The following CYYR1 variants were observed in gnomAD, a reference collection of about 807,000 sequenced individuals.
The protein encoded by CYYR1 is cysteine and tyrosine-rich protein 1.
In CYYR1, 14 loss-of-function variants were observed where a neutral mutation model predicts 15.2. That is an observed-to-expected ratio of 0.92 (90% CI 0.61 to 1.44). The LOEUF is 1.44. CYYR1 is among the 40% of genes most tolerant of loss of function. The probability of loss-of-function intolerance (pLI) is 0.00; values close to 1 mark genes in which losing one functional copy is unlikely to be tolerated. For missense variants in CYYR1, 228 were observed against 209.5 expected (o/e 1.09, Z -0.54); for synonymous variants, 80 against 77.4 (o/e 1.03, Z -0.18).
At chr21:26,568,734 A>T (rs750686134) in intron 1 of CYYR1, 4 of 152,220 alleles carry the variant, frequency 2.6e-5, no homozygotes, top group Non-Finnish European at 4.4e-5. Context: ...TCCAGAATCT[A>T]TAAGGAGGTT....
chr21:26,561,344 T>C, intron 2 of CYYR1, among the ~76,000 whole-genome samples: 1 of 152,076 alleles, frequency 6.6e-6, no homozygotes, highest in Admixed American at 6.6e-5. Flanking sequence ...GCCAAAGGCC[T>C]TTTTAAATGC....
chr21:26,483,461 A>C, intron 2 of CYYR1: 2 of 981,278 alleles, frequency 2.0e-6, no homozygotes, highest in Middle Eastern at 1.1e-3. Context: ...TTTAGTTTGC[A>C]AGCCAGAATT....
At chr21:26,495,359 G>A (rs906955612) in intron 2 of CYYR1, among the ~76,000 whole-genome samples, 2 of 152,148 alleles carry the variant, frequency 1.3e-5, no homozygotes, top group Non-Finnish European at 2.9e-5. Context: ...AAATATCTGC[G>A]CTAGGCTCTA....
intron 2 of CYYR1, among the ~76,000 whole-genome samples, chr21:26,506,046 C>T (rs555766212): frequency 3.3e-4 from 50 of 152,230 alleles, no homozygotes; most frequent in Non-Finnish European, 6.3e-4. Flanking sequence ...ACCATGACCA[C>T]ACCAACATAT....
intron 2 of CYYR1, among the ~76,000 whole-genome samples, chr21:26,489,984 C>A (rs1336699066): frequency 3.3e-5 from 5 of 152,022 alleles, no homozygotes; most frequent in Admixed American, 3.3e-4. Flanking sequence ...CACTAGATAG[C>A]GACATTCACG....
chr21:26,488,121 T>G (rs1339321495), intron 2 of CYYR1, among the ~76,000 whole-genome samples: 2 of 152,160 alleles, frequency 1.3e-5, no homozygotes, highest in Admixed American at 1.3e-4. Flanking sequence ...TAAATTTACG[T>G]GATTTATTGA....
chr21:26,569,570 T>C (rs1470852881), intron 1 of CYYR1, among the ~76,000 whole-genome samples: 1 of 152,124 alleles, frequency 6.6e-6, no homozygotes, highest in Non-Finnish European at 1.5e-5. Context: ...AATCTGCACA[T>C]GTACTCCCTG....
chr21:26,539,745 T>C (rs1303265617), intron 2 of CYYR1, among the ~76,000 whole-genome samples: 1 of 152,222 alleles, frequency 6.6e-6, no homozygotes, highest in African/African-American at 2.4e-5. Context: ...GCTTCTTTTG[T>C]CTGGTATCTT....
At chr21:26,562,864 T>C (rs1415174933) in intron 2 of CYYR1, among the ~76,000 whole-genome samples, 2 of 149,588 alleles carry the variant, frequency 1.3e-5, no homozygotes, top group African/African-American at 4.9e-5. Flanking sequence ...CCAATAATAC[T>C]TCATAGATTA....
chr21:26,565,043 A>G (rs1374037929), intron 2 of CYYR1, among the ~76,000 whole-genome samples: 1 of 152,180 alleles, frequency 6.6e-6, no homozygotes. Flanking sequence ...AAAAATTCAA[A>G]CATTTTATTG....
chr21:26,480,300 A>C lies in CYYR1; in HGVS notation c.306T>G (p.Thr102=), dbSNP rs1569140109. ...GATAGGAGGAGACGGTGTTGATGTG[A>C]GTCGTCCTGAGGATGCCCACGCGGG... ...RATRVGILRT[T]HINTVSSYPA... The change falls in exon 3 of 4, where the codon ACT becomes ACG. Residue 102 remains threonine (T), a synonymous_variant. Transcript: ENST00000652641. The C allele has an allele frequency of 6.2e-7, 1 of 1,612,992 alleles. No individual in the cohort carries two copies. Among genetic ancestry groups the C allele is most frequent in the South Asian group, 1.1e-5 (1 of 90,946 alleles).
intron 2 of CYYR1, among the ~76,000 whole-genome samples, chr21:26,559,549 AT>A (rs1222738217): frequency 6.6e-6 from 1 of 152,112 alleles, no homozygotes; most frequent in Non-Finnish European, 1.5e-5. Context: ...TCCTGATACC[AT>A]AAATGCTATT....
At chr21:26,502,733 G>A (rs2065498236) in intron 2 of CYYR1, among the ~76,000 whole-genome samples, 2 of 152,038 alleles carry the variant, frequency 1.3e-5, no homozygotes, top group East Asian at 1.9e-4. Context: ...TATATTTTCT[G>A]TTTCCTATTG....
intron 1 of CYYR1, among the ~76,000 whole-genome samples, chr21:26,572,492 A>G (rs1378178442): frequency 6.6e-6 from 1 of 152,166 alleles, no homozygotes; most frequent in Non-Finnish European, 1.5e-5. Flanking sequence ...TTTTATTCAC[A>G]AGAGGGAAAA....
chr21:26,572,401 C>T (rs527613570), intron 1 of CYYR1, among the ~76,000 whole-genome samples: 60 of 152,282 alleles, frequency 3.9e-4, no homozygotes, highest in African/African-American at 1.4e-3. Context: ...TCTCAAAAAC[C>T]TTGTGTTTGA....
chr21:26,493,788 A>G (rs1470711220), intron 2 of CYYR1, among the ~76,000 whole-genome samples: 1 of 152,160 alleles, frequency 6.6e-6, no homozygotes, highest in Non-Finnish European at 1.5e-5. Flanking sequence ...AACTTTGCTT[A>G]CTGTTGTTGC....
intron 2 of CYYR1, among the ~76,000 whole-genome samples, chr21:26,531,544 T>C (rs1185318505): frequency 6.6e-6 from 1 of 152,074 alleles, no homozygotes; most frequent in Non-Finnish European, 1.5e-5. Context: ...TCATTTTCTC[T>C]CTCCTGCTCC....
At chr21:26,565,509 C>T (rs987835132) in intron 2 of CYYR1, among the ~76,000 whole-genome samples, 3 of 152,186 alleles carry the variant, frequency 2.0e-5, no homozygotes, top group South Asian at 4.1e-4. Flanking sequence ...ATTCTCAACC[C>T]TCGTTTCTCA....
intron 2 of CYYR1, among the ~76,000 whole-genome samples, chr21:26,517,114 C>CAAAAAAAAA (rs61352955): frequency 6.6e-4 from 31 of 46,706 alleles, no homozygotes; most frequent in African/African-American, 2.3e-3. Context: ...GACTCCGTCT[C>CAAAAAAAAA]AAAAAAAAAA....
Sources: allele counts gnomAD v4.1 joint callset (sites outside exome capture counted in the v4.1 genomes callset), GRCh38; gene constraint gnomAD v4.1.1; transcripts MANE v1.5; gene names NCBI Gene and HGNC (gene_info 2026-07-23, HGNC 2026-07-21).